Variants in TANC2 observed in about 807,000 individuals in gnomAD.
TANC2 encodes tetratricopeptide repeat, ankyrin repeat and coiled-coil containing 2.
TANC2 carries 26 observed loss-of-function variants against 210.5 expected under a neutral mutation model. The observed-to-expected ratio is 0.12, with a 90% CI of 0.09 to 0.17. The LOEUF (loss-of-function observed/expected upper bound fraction) is 0.17, where lower values mean the gene tolerates loss of function less well. Among genes scored for constraint, TANC2 ranks in the 10% least tolerant of loss-of-function variants. The pLI is 1.00. For missense variants in TANC2, 2,129 were observed against 2,608.9 expected, an observed-to-expected ratio of 0.82 and a Z score of 4.01; for synonymous variants, 931 against 967.1, an observed-to-expected ratio of 0.96 and a Z score of 0.69.
At chr17:62,984,411 A>G (rs1286190530) in intron 1 of TANC2, among the ~76,000 whole-genome samples, 1 of 151,986 alleles carries the variant, frequency 6.6e-6, no homozygotes, top group Non-Finnish European at 1.5e-5. Flanking sequence ...TCAAAAAACC[A>G]AATTTTTGTC....
intron 14 of TANC2, 111 bp downstream of exon 14, chr17:63,355,501 A>G (rs2046755010): frequency 2.5e-6 from 3 of 1,216,422 alleles, no homozygotes; most frequent in South Asian, 1.7e-5. Flanking sequence ...CATAGAAGAG[A>G]CATCATCTGT....
chr17:63,055,985 AAAAAAATATAT>A (rs2035775832), intron 2 of TANC2, among the ~76,000 whole-genome samples: 3 of 16,820 alleles, frequency 1.8e-4, no homozygotes, highest in African/African-American at 3.4e-4. Flanking sequence ...AAAAAAAAAA[AAAAAAATATAT>A]ATATATATAT....
chr17:63,356,301 AGTT>A (rs1033616177), intron 14 of TANC2, among the ~76,000 whole-genome samples: 2 of 152,212 alleles, frequency 1.3e-5, no homozygotes, highest in African/African-American at 4.8e-5. Flanking sequence ...CCTTTAATAA[AGTT>A]GGTGTTTTCA....
chr17:63,275,246 T>G (rs1443200958), intron 9 of TANC2, among the ~76,000 whole-genome samples: 1 of 152,192 alleles, frequency 6.6e-6, no homozygotes, highest in African/African-American at 2.4e-5. Context: ...GGTGGTTTCC[T>G]TAGAACTTTT....
intron 3 of TANC2, among the ~76,000 whole-genome samples, chr17:63,082,596 G>A (rs768423738): frequency 2.6e-5 from 4 of 152,106 alleles, no homozygotes; most frequent in Admixed American, 6.5e-5. Context: ...GAGCAGAGAG[G>A]TAATTTTCTG....
At chr17:63,384,724 T>C (rs772613245) in intron 15 of TANC2, among the ~76,000 whole-genome samples, 5 of 152,152 alleles carry the variant, frequency 3.3e-5, no homozygotes, top group Non-Finnish European at 7.4e-5. Flanking sequence ...GAAAAAAGCA[T>C]ATAATGCTTA....
At chr17:63,179,153 C>T (rs2040691144) in intron 5 of TANC2, among the ~76,000 whole-genome samples, 1 of 151,908 alleles carries the variant, frequency 6.6e-6, no homozygotes, top group Non-Finnish European at 1.5e-5. Context: ...TTTTTTATTT[C>T]CCCCGTGAGA....
intron 8 of TANC2, among the ~76,000 whole-genome samples, chr17:63,260,560 G>C (rs1432666251): frequency 1.3e-5 from 2 of 152,162 alleles, no homozygotes; most frequent in African/African-American, 4.8e-5. Context: ...AAGGTGGGCT[G>C]ATTGCTTTGA....
chr17:63,036,126 A>T (rs1426269110), intron 2 of TANC2, among the ~76,000 whole-genome samples: 3 of 150,174 alleles, frequency 2.0e-5, no homozygotes, highest in Non-Finnish European at 3.0e-5. Context: ...TGCTTTGTTT[A>T]TTCTCTTAAC....
intron 4 of TANC2, among the ~76,000 whole-genome samples, chr17:63,130,598 G>C (rs2038883806): frequency 6.6e-6 from 1 of 151,590 alleles, no homozygotes; most frequent in African/African-American, 2.4e-5. Context: ...AGTTAGTGTT[G>C]ACAATCACTT....
At chr17:63,201,622 CTT>C (rs76234428) in intron 7 of TANC2, among the ~76,000 whole-genome samples, 61 of 139,710 alleles carry the variant, frequency 4.4e-4, no homozygotes, top group Non-Finnish European at 5.1e-4. Flanking sequence ...TTTCTTATAC[CTT>C]TTTTTTTTTT....
At chr17:63,089,087 C>G (rs979310441) in intron 3 of TANC2, 2 of 152,150 alleles carry the variant, frequency 1.3e-5, no homozygotes, top group Non-Finnish European at 2.9e-5. Context: ...TACTACTGTT[C>G]AAGTCTGCAC....
chr17:63,184,966 A>G (rs2040926291), intron 5 of TANC2, among the ~76,000 whole-genome samples: 1 of 150,446 alleles, frequency 6.6e-6, no homozygotes, highest in Non-Finnish European at 1.5e-5. Context: ...TCTTTTGTTC[A>G]GTAATACGGT....
chr17:63,177,804 C>G (rs1490517429), intron 5 of TANC2, among the ~76,000 whole-genome samples: 1 of 152,170 alleles, frequency 6.6e-6, no homozygotes. Context: ...TTAAACTGTA[C>G]AGGCACATTT....
chr17:62,986,765 G>A lies in TANC2; in HGVS notation c.-24+20016G>A, dbSNP rs564821361. On this transcript the variant is annotated intron_variant, in intron 1 of 27. Coordinates refer to ENST00000689528, the Ensembl canonical transcript of TANC2. ...GGGGTATGTCTGGCAAGGGCAGCCT[G>A]TGGGGCTGCTTCTCAGGCTTGGGAT... Among the ~76,000 whole-genome samples, 6 of 152,270 alleles carry A rather than the reference G, an allele frequency of 3.9e-5. No homozygotes were observed. The South Asian group carries it at 8.3e-4, about 21-fold the overall frequency.
intron 5 of TANC2, among the ~76,000 whole-genome samples, chr17:63,185,216 G>A (rs773198566): frequency 1.3e-5 from 2 of 151,844 alleles, no homozygotes; most frequent in Non-Finnish European, 2.9e-5. Context: ...ACCCAGGCTC[G>A]AATAGCTGGG....
rs543841618 is a variant in TANC2 at position 63,245,225 on chromosome 17, G to C, written c.1033+7148G>C. ...TTCTTAATGCCTCAAACTATATCCT[G>C]TTCAGACATCTTATAATAAGTTAGT... is the stretch of plus-strand genomic sequence containing the variant. On this transcript the variant is annotated intron_variant, in intron 8 of 27. Transcript: ENST00000689528. Among the ~76,000 whole-genome samples the C allele has an allele frequency of 9.2e-5, 14 of 152,090 alleles. No homozygotes were observed. The East Asian group carries it at 2.5e-3, about 27-fold the overall frequency.
At chr17:63,427,442 C>A (rs1568017010) in exon 28 of TANC2, 1 of 152,264 alleles carries the variant, frequency 6.6e-6, no homozygotes, top group African/African-American at 2.4e-5. Context: ...ATATATTGAA[C>A]ACCACACAGT....
In TANC2 at chr17:63,420,152, G is replaced by T; in HGVS notation, c.4422G>T (p.Gln1474His). ...CGCCGCCACCGCAGCCTCAGCAGCA[G>T]TTGCCGGAAGAAGCAGAACCTGAGC... is the stretch of plus-strand genomic sequence containing the variant. Residue 1474 changes from glutamine (Q) to histidine (H), a missense_variant, in exon 28 of 28, where the codon CAG becomes CAT. This residue lies in a region of TANC2 where 584 missense variants were observed against 627.3 expected (regional missense o/e 0.93). Coordinates refer to ENST00000689528, the Ensembl canonical transcript of TANC2. This position sits in a 1 kb window ranked among gnomAD's most constrained non-coding sequence, Gnocchi z 4.2. 1 of 1,561,040 alleles carries T rather than the reference G, an allele frequency of 6.4e-7. No individual in the cohort carries two copies. Among genetic ancestry groups the T allele is most frequent in the Non-Finnish European group, 8.7e-7 (1 of 1,152,042 alleles).
Sources: gnomAD v4.1 joint callset for allele counts (sites outside exome capture counted in the v4.1 genomes callset) on GRCh38, gnomAD v4.1.1 for gene constraint, gnomAD v4.1.1 regional missense constraint, Gnocchi (gnomAD v3.1) non-coding constraint, MANE v1.5 for transcripts, NCBI Gene and HGNC (gene_info 2026-07-23, HGNC 2026-07-21) for gene names.